DPP9: variants seen among roughly 807,000 people sequenced by gnomAD.
DPP9 encodes the protein dipeptidyl peptidase 9, also known as dipeptidyl peptidase IV-related protein-2.
Under a neutral mutation model 110.7 loss-of-function variants are expected in DPP9, and 50 were observed. The ratio of observed to expected loss-of-function variants is 0.45; its 90% confidence interval spans 0.36 to 0.57. DPP9 has a LOEUF of 0.57. Ranked by LOEUF, DPP9 falls within the 20% of genes least tolerant of loss-of-function variation. The pLI, the probability that DPP9 is intolerant of heterozygous loss-of-function variation, is 0.00. For synonymous variants in DPP9, 561 were observed against 514.4 expected, an observed-to-expected ratio of 1.09 and a Z score of -1.23; for missense variants, 1,022 against 1,217.9, an observed-to-expected ratio of 0.84 and a Z score of 2.39.
At position 4,722,510 on chromosome 19, in the gene DPP9, T is replaced by C. The variant is rs1197676800; in HGVS notation, c.-47A>G. ...CCAGCACAACTGACCTTCTAAAGGG[T>C]CCAGAGAGCCTCCATTCCAGCTGCA... On this transcript the variant is annotated 5_prime_UTR_variant, in exon 2 of 22. Coordinates refer to ENST00000262960, the MANE Select transcript of DPP9 (RefSeq NM_139159.5). The C allele has an allele frequency of 1.4e-6, 1 of 702,880 alleles. No homozygotes were observed. The highest frequency in any genetic ancestry group is 2.6e-6 in the Non-Finnish European group (1 of 384,990). 43.5% of individuals were successfully genotyped at this position (702,880 alleles called of 1,614,324 possible).
At chr19:4,722,418 G>A (rs561931174) in intron 2 of DPP9, 81 bp downstream of exon 2, 8 of 678,868 alleles carry the variant, frequency 1.2e-5, no homozygotes, top group Middle Eastern at 5.8e-4. Flanking sequence ...TCCTGCCCAT[G>A]TCTATATTCT....
intron 4 of DPP9, 67 bp downstream of exon 4, chr19:4,714,014 G>C: frequency 2.6e-6 from 4 of 1,516,446 alleles, no homozygotes; most frequent in Admixed American, 4.3e-5. Context: ...TCTGGGAACA[G>C]AGAGGACCAG....
At position 4,686,280 on chromosome 19, in the gene DPP9, G is replaced by A. The variant is rs1326936693; in HGVS notation, c.1886-509C>T. Among the ~76,000 whole-genome samples the A allele has an allele frequency of 5.3e-5, 8 of 151,604 alleles. No individual in the cohort carries two copies. The East Asian group carries it at 1.4e-3, about 26-fold the overall frequency. ...ATGTTTTTGTATTTTTAGTAGAGACGGGGTTTCACCATGTTGGCCAAACTT... is the reference window on the plus strand; with the variant it reads ...ATGTTTTTGTATTTTTAGTAGAGACAGGGTTTCACCATGTTGGCCAAACTT... On this transcript the variant is annotated intron_variant, in intron 16 of 21. Coordinates refer to ENST00000262960, the MANE Select transcript of DPP9 (RefSeq NM_139159.5).
chr19:4,683,129 C>T (rs1381160574), intron 19 of DPP9: 15 of 1,470,306 alleles, frequency 1.0e-5, no homozygotes, highest in Middle Eastern at 4.5e-4. Flanking sequence ...GCCGCCGCCC[C>T]GCAGTGCCCT....
intron 7 of DPP9, among the ~76,000 whole-genome samples, chr19:4,703,278 G>A (rs2145739926): frequency 6.6e-6 from 1 of 152,206 alleles, no homozygotes; most frequent in East Asian, 1.9e-4. Flanking sequence ...AATGCCCAGG[G>A]GCACCTGGAA....
Position 4,688,943 on chromosome 19 carries a change from C to A in DPP9, c.1750-51G>T. On this transcript the variant is annotated intron_variant, in intron 15 of 21. Coordinates refer to ENST00000262960, the MANE Select transcript of DPP9 (RefSeq NM_139159.5). ...TCCACGGGATGCCGCTGCGCCCTTTCCACTGGGTGCCGACCGCAGATCCAG... is the reference window on the plus strand; with the variant it reads ...TCCACGGGATGCCGCTGCGCCCTTTACACTGGGTGCCGACCGCAGATCCAG... 2.0e-6 allele frequency: 3 copies of A among 1,489,976 alleles called. No homozygotes were observed. In the South Asian group the frequency reaches 4.1e-5, roughly 20 times the overall value. 92.3% of individuals were successfully genotyped at this position (1,489,976 alleles called of 1,614,324 possible). A position where few individuals can be genotyped will look rare whatever the true frequency, so the allele number is the denominator to read the frequency against.
Position 4,700,119 on chromosome 19 carries a change from A to G in DPP9, c.1074+97T>C. The G allele has an allele frequency of 9.8e-7, 1 of 1,019,268 alleles. No homozygotes were observed. Among genetic ancestry groups the G allele is most frequent in the Non-Finnish European group, 1.4e-6 (1 of 725,990 alleles). The allele number at this position is 1,019,268 out of a possible 1,614,324, so 63.1% of individuals were successfully genotyped here. A position where few individuals can be genotyped will look rare whatever the true frequency, so the allele number is the denominator to read the frequency against. On this transcript the variant is annotated intron_variant, in intron 10 of 21. Coordinates refer to ENST00000262960, the MANE Select transcript of DPP9 (RefSeq NM_139159.5). This position sits in a 1 kb window ranked among gnomAD's most constrained non-coding sequence, Gnocchi z 4.3. ...GGCTGGGGCCTGGGGAGTGCCCCCG[A>G]GAGGGAGGTGAGTGACCTGCCCATC... is the stretch of plus-strand genomic sequence containing the variant.
At chr19:4,691,670 CTTTTTTTTTT>C (rs1006998596) in intron 13 of DPP9, among the ~76,000 whole-genome samples, 4 of 95,090 alleles carry the variant, frequency 4.2e-5, no homozygotes, top group South Asian at 3.9e-4. Flanking sequence ...TAAAACCAGA[CTTTTTTTTTT>C]TTTTTTTTTT....
intron 3 of DPP9, among the ~76,000 whole-genome samples, chr19:4,716,410 G>A (rs1353082950): frequency 1.3e-5 from 2 of 152,120 alleles, no homozygotes; most frequent in Admixed American, 6.6e-5. Flanking sequence ...GGCCAAGGCA[G>A]GAGGATCATG....
intron 18 of DPP9, 64 bp from the exon 19 acceptor site, chr19:4,683,693 C>T (rs773952588): frequency 6.2e-7 from 1 of 1,612,614 alleles, no homozygotes; most frequent in Non-Finnish European, 8.5e-7. Context: ...CCTGCAGTGA[C>T]ACCTCTGCTC....
intron 16 of DPP9, among the ~76,000 whole-genome samples, chr19:4,686,709 T>A (rs1469880722): frequency 6.6e-6 from 1 of 152,108 alleles, no homozygotes; most frequent in East Asian, 1.9e-4. Flanking sequence ...GGCCCAAAGT[T>A]TTTTCTTTAA....
At chr19:4,712,521 A>G (rs2092883247) in intron 4 of DPP9, among the ~76,000 whole-genome samples, 1 of 152,148 alleles carries the variant, frequency 6.6e-6, no homozygotes, top group Non-Finnish European at 1.5e-5. Context: ...ACTGCACTCC[A>G]GCCTGGGCAA....
At position 4,676,207 on chromosome 19, in the gene DPP9, A is replaced by G; in HGVS notation, c.*357T>C. 3.9e-6 allele frequency: 1 copy of G among 256,820 alleles called. No homozygotes were observed. The highest frequency in any genetic ancestry group is 7.5e-6 in the Non-Finnish European group (1 of 133,028). The allele number at this position is 256,820 out of a possible 1,614,324, so 15.9% of individuals were successfully genotyped here. A position where few individuals can be genotyped will look rare whatever the true frequency, so the allele number is the denominator to read the frequency against. On this transcript the variant is annotated 3_prime_UTR_variant, in exon 22 of 22. Transcript: ENST00000262960. This position sits in a 1 kb window ranked among gnomAD's most constrained non-coding sequence, Gnocchi z 4.0. ...TGGCTGGCCGGGCCAGGGGACTGAG[A>G]GGTCACAGGGAGCCCCAGGCGGAAG...
At chr19:4,690,655 G>A (rs567710312) in intron 14 of DPP9, among the ~76,000 whole-genome samples, 1 of 152,340 alleles carries the variant, frequency 6.6e-6, no homozygotes, top group African/African-American at 2.4e-5. Flanking sequence ...ATGAGACGGG[G>A]AGGTGATGAA....
chr19:4,686,495 C>G (rs1021117102), intron 16 of DPP9, among the ~76,000 whole-genome samples: 1 of 151,264 alleles, frequency 6.6e-6, no homozygotes, highest in Non-Finnish European at 1.5e-5. Flanking sequence ...AATTTTTGTA[C>G]TTTTAGTAGA....
intron 4 of DPP9, among the ~76,000 whole-genome samples, chr19:4,707,259 C>T (rs867442437): frequency 3.3e-5 from 5 of 152,252 alleles, no homozygotes; most frequent in Middle Eastern, 3.4e-3. Context: ...CTGCGGAAGG[C>T]GCAATCAGGT....
intron 1 of DPP9, 149 bp from the exon 2 acceptor site, chr19:4,722,700 T>C (rs769139237): frequency 2.7e-5 from 17 of 629,178 alleles, no homozygotes; most frequent in Non-Finnish European, 4.9e-5. Context: ...CAGCACTGTC[T>C]GCATGCCCTG....
At chr19:4,719,689 G>T in intron 3 of DPP9, 162 bp downstream of exon 3, 1 of 837,178 alleles carries the variant, frequency 1.2e-6, no homozygotes, top group Non-Finnish European at 1.9e-6. Context: ...CCCGCACTAC[G>T]CCACACTGCC....
At chr19:4,716,772 A>C (rs757008681) in intron 3 of DPP9, among the ~76,000 whole-genome samples, 6 of 152,188 alleles carry the variant, frequency 3.9e-5, no homozygotes, top group Non-Finnish European at 5.9e-5. Context: ...GCTTGCTCCC[A>C]ATCAGAGCCG....
Sources: gnomAD v4.1 joint callset for allele counts (sites outside exome capture counted in the v4.1 genomes callset) on GRCh38, gnomAD v4.1.1 for gene constraint, Gnocchi (gnomAD v3.1) non-coding constraint, MANE v1.5 for transcripts, NCBI Gene and HGNC (gene_info 2026-07-23, HGNC 2026-07-21) for gene names.